The following TENM3 variants were observed in gnomAD, a reference collection of about 807,000 sequenced individuals.
TENM3 encodes teneurin transmembrane protein 3.
Under a neutral mutation model 255.1 loss-of-function variants are expected in TENM3, and 63 were observed. That is an observed-to-expected ratio of 0.25 (90% CI 0.20 to 0.30). TENM3 has a LOEUF of 0.30. TENM3 is among the 10% of genes least tolerant of loss of function. The pLI, the probability that TENM3 is intolerant of heterozygous loss-of-function variation, is 1.00. For missense variants in TENM3, 2,929 were observed against 3,461.1 expected (o/e 0.85, Z 3.86); for synonymous variants, 1,306 against 1,322.3 (o/e 0.99, Z 0.27).
At chr4:182,339,930 A>C (rs1197028128) in intron 2 of TENM3, among the ~76,000 whole-genome samples, 1 of 152,196 alleles carries the variant, frequency 6.6e-6, no homozygotes, top group Non-Finnish European at 1.5e-5. Flanking sequence ...AGCTATTTTA[A>C]AGTTATTTCT....
the TENM3 span, among the ~76,000 whole-genome samples, chr4:181,565,518 T>C: frequency 6.6e-6 from 1 of 152,138 alleles, no homozygotes; most frequent in African/African-American, 2.4e-5. Flanking sequence ...GTATAAGAAG[T>C]GCAATGGCGA....
chr4:182,284,388 G>A (rs191226669), intron 1 of TENM3, among the ~76,000 whole-genome samples: 11 of 152,104 alleles, frequency 7.2e-5, no homozygotes, highest in Non-Finnish European at 1.2e-4. Context: ...TAAAAATGTG[G>A]GTAATATGTA....
chr4:182,424,964 G>A (rs1771098707), intron 3 of TENM3, among the ~76,000 whole-genome samples: 1 of 152,224 alleles, frequency 6.6e-6, no homozygotes, highest in African/African-American at 2.4e-5. Flanking sequence ...TCTTTGTGAT[G>A]ACATGGTGTA....
the TENM3 span, among the ~76,000 whole-genome samples, chr4:181,714,363 A>G: frequency 6.6e-6 from 1 of 152,182 alleles, no homozygotes; most frequent in Non-Finnish European, 1.5e-5. Flanking sequence ...GATCACTTGA[A>G]GCCTGGGAGG....
intron 2 of TENM3, among the ~76,000 whole-genome samples, chr4:182,338,708 C>T (rs952590222): frequency 6.6e-6 from 1 of 151,988 alleles, no homozygotes; most frequent in African/African-American, 2.4e-5. Context: ...TGTCTCTGCA[C>T]CATTTTATCC....
chr4:182,364,777 T>G (rs1766309698), intron 3 of TENM3, among the ~76,000 whole-genome samples: 1 of 152,210 alleles, frequency 6.6e-6, no homozygotes, highest in Non-Finnish European at 1.5e-5. Context: ...TATAACATAG[T>G]ACTTTTTTCA....
chr4:181,588,053 A>C, the TENM3 span, among the ~76,000 whole-genome samples: 1 of 152,154 alleles, frequency 6.6e-6, no homozygotes, highest in South Asian at 2.1e-4. Flanking sequence ...GGTCACGGGA[A>C]AGCAGGGAGC....
At chr4:182,292,908 G>T (rs562471740) in intron 1 of TENM3, among the ~76,000 whole-genome samples, 70 of 152,260 alleles carry the variant, frequency 4.6e-4, no homozygotes, top group South Asian at 1.5e-3. Context: ...TTAACTAGGG[G>T]GAGAGGTAGA....
At chr4:181,586,623 C>T in the TENM3 span, among the ~76,000 whole-genome samples, 1 of 152,022 alleles carries the variant, frequency 6.6e-6, no homozygotes, top group African/African-American at 2.4e-5. Context: ...GGGTGGATCA[C>T]GAGGTCGGGA....
At chr4:181,912,799 G>C in the TENM3 span, among the ~76,000 whole-genome samples, 2 of 151,940 alleles carry the variant, frequency 1.3e-5, no homozygotes, top group Non-Finnish European at 2.9e-5. Flanking sequence ...ATTGTTGCAG[G>C]GGATGAAAGA....
the TENM3 span, among the ~76,000 whole-genome samples, chr4:181,924,053 C>T: frequency 6.6e-6 from 1 of 152,114 alleles, no homozygotes; most frequent in Non-Finnish European, 1.5e-5. Context: ...GCACTGACTG[C>T]TGTTTTCTGG....
intron 1 of TENM3, among the ~76,000 whole-genome samples, chr4:182,233,119 C>G (rs1370737434): frequency 1.3e-5 from 2 of 152,098 alleles, no homozygotes; most frequent in Non-Finnish European, 2.9e-5. Context: ...ACCCAGAAGC[C>G]GCTCCAGGGA....
chr4:182,364,718 C>A (rs929021710), intron 3 of TENM3, among the ~76,000 whole-genome samples: 1 of 152,174 alleles, frequency 6.6e-6, no homozygotes, highest in South Asian at 2.1e-4. Context: ...CGCGCCCAGC[C>A]CCAACTTCAG....
the TENM3 span, among the ~76,000 whole-genome samples, chr4:181,665,783 A>G: frequency 2.6e-5 from 4 of 152,260 alleles, no homozygotes; most frequent in East Asian, 7.7e-4. Flanking sequence ...ATTTTTGGTA[A>G]TAATCATTAA....
the TENM3 span, among the ~76,000 whole-genome samples, chr4:181,726,234 C>T: frequency 6.6e-6 from 1 of 151,860 alleles, no homozygotes; most frequent in Non-Finnish European, 1.5e-5. Flanking sequence ...TTTTAACCAC[C>T]TACTATATGC....
chr4:181,777,897 T>C, the TENM3 span, among the ~76,000 whole-genome samples: 3 of 152,100 alleles, frequency 2.0e-5, no homozygotes, highest in East Asian at 1.9e-4. Context: ...CAGAATCTCA[T>C]TGGCAAATTA....
the TENM3 span, among the ~76,000 whole-genome samples, chr4:181,755,194 G>A: frequency 1.3e-5 from 2 of 151,986 alleles, no homozygotes; most frequent in Non-Finnish European, 2.9e-5. Flanking sequence ...TTAAAAGGAG[G>A]GGAACAAAAG....
intron 1 of TENM3, among the ~76,000 whole-genome samples, chr4:182,163,516 A>C (rs756092954): frequency 2.0e-5 from 3 of 152,212 alleles, no homozygotes; most frequent in Admixed American, 6.5e-5. Context: ...TGATTTGCTC[A>C]GTAGAATTAG....
chr4:182,120,179 C>A, the TENM3 span, among the ~76,000 whole-genome samples: 1 of 151,936 alleles, frequency 6.6e-6, no homozygotes, highest in Non-Finnish European at 1.5e-5. Context: ...GGCACTGAAC[C>A]TTTCTATGTT....
Sources: gnomAD v4.1 joint callset for allele counts (sites outside exome capture counted in the v4.1 genomes callset) on GRCh38, gnomAD v4.1.1 for gene constraint, MANE v1.5 for transcripts, NCBI Gene and HGNC (gene_info 2026-07-23, HGNC 2026-07-21) for gene names.